GARIN1A: variants seen among roughly 807,000 people sequenced by gnomAD.
GARIN1A encodes Golgi-associated RAB2 interactor protein 1A.
chr7:128,680,063 C>G, the GARIN1A span: 2 of 1,578,932 alleles, frequency 1.3e-6, no homozygotes, highest in African/African-American at 2.7e-5. Flanking sequence ...CCCCCCAGCC[C>G]AGCGAGCCCC....
the GARIN1A span, among the ~76,000 whole-genome samples, chr7:128,694,482 C>G: frequency 6.6e-6 from 1 of 151,132 alleles, no homozygotes; most frequent in East Asian, 1.9e-4. Flanking sequence ...TGCAGTGAGT[C>G]GAGATTGTGC....
chr7:128,679,086 TG>T, the GARIN1A span, among the ~76,000 whole-genome samples: 3 of 150,230 alleles, frequency 2.0e-5, no homozygotes, highest in African/African-American at 7.4e-5. Context: ...AACACAAGAT[TG>T]TTTTTATATA....
At chr7:128,694,677 C>T in the GARIN1A span, among the ~76,000 whole-genome samples, 8 of 152,174 alleles carry the variant, frequency 5.3e-5, no homozygotes, top group Non-Finnish European at 1.2e-4. Context: ...CCTCTCTGAG[C>T]ATAAGAATTC....
the GARIN1A span, chr7:128,672,350 G>A: frequency 8.5e-6 from 13 of 1,522,248 alleles, no homozygotes; most frequent in Admixed American, 1.2e-4. Flanking sequence ...GGGCTGGGTC[G>A]GCGTGGAGCC....
At chr7:128,689,438 G>A in the GARIN1A span, among the ~76,000 whole-genome samples, 3 of 151,672 alleles carry the variant, frequency 2.0e-5, no homozygotes, top group African/African-American at 4.8e-5. Context: ...GCCTCTGCCC[G>A]GCCGTGACCC....
At chr7:128,671,930 G>T in the GARIN1A span, among the ~76,000 whole-genome samples, 1 of 152,260 alleles carries the variant, frequency 6.6e-6, no homozygotes, top group African/African-American at 2.4e-5. Context: ...CCCTGGGCAG[G>T]TGAACAAGTC....
At chr7:128,696,475 C>A in the GARIN1A span, among the ~76,000 whole-genome samples, 2 of 151,750 alleles carry the variant, frequency 1.3e-5, no homozygotes, top group African/African-American at 4.8e-5. Context: ...TTTCTGTCAA[C>A]ACAGTTTTTT....
chr7:128,698,976 G>A, the GARIN1A span, among the ~76,000 whole-genome samples: 41,040 of 152,010 alleles, frequency 0.27, 5,909 homozygotes, highest in East Asian at 0.54. Flanking sequence ...GGAACATCCT[G>A]TGTCAGCTAA....
At chr7:128,702,757 T>A in the GARIN1A span, among the ~76,000 whole-genome samples, 1 of 152,210 alleles carries the variant, frequency 6.6e-6, no homozygotes, top group Non-Finnish European at 1.5e-5. Flanking sequence ...AGTCAGAGAT[T>A]GTCAGATCAG....
the GARIN1A span, among the ~76,000 whole-genome samples, chr7:128,707,320 G>A: frequency 6.6e-6 from 1 of 151,714 alleles, no homozygotes; most frequent in Non-Finnish European, 1.5e-5. Context: ...GTTAGTGGTA[G>A]GCATGATGCC....
chr7:128,692,425 TTCTTA>T, the GARIN1A span, among the ~76,000 whole-genome samples: 1 of 152,246 alleles, frequency 6.6e-6, no homozygotes, highest in Admixed American at 6.5e-5. Flanking sequence ...CAGAATCTAT[TTCTTA>T]GATGAAAACA....
the GARIN1A span, chr7:128,690,668 A>AT: frequency 6.6e-6 from 1 of 152,136 alleles, no homozygotes; most frequent in Admixed American, 6.6e-5. Flanking sequence ...GTTCTATGCA[A>AT]TTTTTCATAC....
chr7:128,677,720 G>T, the GARIN1A span: 3 of 1,613,790 alleles, frequency 1.9e-6, no homozygotes, highest in Non-Finnish European at 2.5e-6. Flanking sequence ...TGAAAATTCT[G>T]CAGAAAGGCC....
At chr7:128,701,609 T>C in the GARIN1A span, among the ~76,000 whole-genome samples, 3 of 150,398 alleles carry the variant, frequency 2.0e-5, no homozygotes, top group Non-Finnish European at 4.5e-5. Context: ...AGTGGCAGGG[T>C]GAGTAGTTTT....
chr7:128,677,763 TTCAC>T, the GARIN1A span: 1 of 1,613,798 alleles, frequency 6.2e-7, no homozygotes, highest in Non-Finnish European at 8.5e-7. Flanking sequence ...GAGAATCAAA[TTCAC>T]TCACTGCCTG....
At chr7:128,672,181 C>G in the GARIN1A span, 1 of 441,968 alleles carries the variant, frequency 2.3e-6, no homozygotes, top group East Asian at 3.8e-5. Flanking sequence ...CCTTCCTCTT[C>G]TTTTTTTTTT....
the GARIN1A span, chr7:128,675,720 A>G: frequency 6.2e-7 from 1 of 1,613,766 alleles, no homozygotes; most frequent in South Asian, 1.1e-5. Flanking sequence ...AGGGTCTGCC[A>G]CCGTGATCCT....
chr7:128,706,226 A>G, the GARIN1A span, among the ~76,000 whole-genome samples: 2 of 152,116 alleles, frequency 1.3e-5, no homozygotes, highest in Non-Finnish European at 2.9e-5. Flanking sequence ...CTTTCTGGCA[A>G]ACAAGAGGCC....
chr7:128,672,653 G>GGGGGGGGGT, the GARIN1A span: 1 of 712,900 alleles, frequency 1.4e-6, no homozygotes, highest in Non-Finnish European at 2.2e-6. Flanking sequence ...TGGGGGAGGG[G>GGGGGGGGGT]GGGGCGGGGG....
Sources: allele counts gnomAD v4.1 joint callset (sites outside exome capture counted in the v4.1 genomes callset), GRCh38; gene constraint gnomAD v4.1.1; transcripts MANE v1.5; gene names NCBI Gene and HGNC (gene_info 2026-07-23, HGNC 2026-07-21).